SEC63: variants seen among roughly 807,000 people sequenced by gnomAD.
The protein encoded by SEC63 is SEC63 protein translocation regulator.
Under a neutral mutation model 116.2 loss-of-function variants are expected in SEC63, and 56 were observed. The observed-to-expected ratio is 0.48, with a 90% CI of 0.39 to 0.60. The LOEUF (loss-of-function observed/expected upper bound fraction) is 0.60. Ranked by LOEUF, SEC63 falls within the 20% of genes least tolerant of loss-of-function variation. The pLI is 0.00. For missense variants in SEC63, 668 were observed against 900.0 expected, an observed-to-expected ratio of 0.74 and a Z score of 3.30; for synonymous variants, 273 against 294.6, an observed-to-expected ratio of 0.93 and a Z score of 0.75.
chr6:107,887,683 G>C (rs998901722), intron 16 of SEC63, among the ~76,000 whole-genome samples: 9 of 150,772 alleles, frequency 6.0e-5, no homozygotes, highest in Non-Finnish European at 1.2e-4. Context: ...CACCAGCATG[G>C]CACACGTATA....
At chr6:107,927,903 A>T (rs977992154) in intron 2 of SEC63, among the ~76,000 whole-genome samples, 4 of 152,180 alleles carry the variant, frequency 2.6e-5, no homozygotes, top group African/African-American at 9.7e-5. Flanking sequence ...ATTTTCATTT[A>T]TACTTTTAAT....
At chr6:107,952,026 G>C (rs906886238) in intron 1 of SEC63, among the ~76,000 whole-genome samples, 15 of 151,070 alleles carry the variant, frequency 9.9e-5, no homozygotes, top group Non-Finnish European at 2.1e-4. Flanking sequence ...CCAGGGTTAA[G>C]AATCACTATG....
At chr6:107,930,381 C>A (rs1232276847) in intron 1 of SEC63, among the ~76,000 whole-genome samples, 1 of 151,590 alleles carries the variant, frequency 6.6e-6, no homozygotes, top group African/African-American at 2.4e-5. Context: ...GAGGCTGAGG[C>A]GGGCAGATCA....
intron 1 of SEC63, among the ~76,000 whole-genome samples, chr6:107,935,201 G>C (rs1046211695): frequency 6.6e-6 from 1 of 150,818 alleles, no homozygotes; most frequent in African/African-American, 2.4e-5. Flanking sequence ...CCAGCCGCCC[G>C]TCTGGGAGAT....
chr6:107,937,029 T>C (rs557119408), intron 1 of SEC63, among the ~76,000 whole-genome samples: 2 of 152,278 alleles, frequency 1.3e-5, no homozygotes, highest in Admixed American at 1.3e-4. Context: ...ATTAATTCAC[T>C]TAGAATAATA....
At chr6:107,896,993 A>G (rs1417889112) in intron 14 of SEC63, among the ~76,000 whole-genome samples, 3 of 151,904 alleles carry the variant, frequency 2.0e-5, no homozygotes. Context: ...AAGAAAAAAA[A>G]AAGAAGGAAG....
At chr6:107,948,983 C>T (rs1214189831) in intron 1 of SEC63, among the ~76,000 whole-genome samples, 1 of 152,116 alleles carries the variant, frequency 6.6e-6, no homozygotes, top group Non-Finnish European at 1.5e-5. Context: ...TGTGGTTCGC[C>T]CCATGTTCAC....
intron 2 of SEC63, 28 bp from the exon 3 acceptor site, chr6:107,924,960 TAAAC>T (rs1309585259): frequency 1.6e-6 from 2 of 1,238,952 alleles, no homozygotes; most frequent in African/African-American, 3.0e-5. Flanking sequence ...AAGTGAATCA[TAAAC>T]AAATACATCT....
rs181820719 is a variant in SEC63, at chr6:107,926,487, A to T, written c.225-1555T>A. The stretch of plus-strand genomic sequence containing the variant: ...CCTCCCAGGCTCAAGCAATCCTCCC[A>T]CCTCAGCCTCCCAAAGCACTGGAAT... On this transcript the variant is annotated intron_variant, in intron 2 of 20. Coordinates refer to ENST00000369002, the MANE Select transcript of SEC63 (RefSeq NM_007214.5). Among the ~76,000 whole-genome samples, 36 of 151,362 alleles carry T rather than the reference A, an allele frequency of 2.4e-4. No homozygotes were observed. In the East Asian group the frequency reaches 4.4e-3, roughly 18 times the overall value.
intron 1 of SEC63, among the ~76,000 whole-genome samples, chr6:107,947,911 C>T (rs531543297): frequency 1.3e-5 from 2 of 152,110 alleles, no homozygotes; most frequent in African/African-American, 2.4e-5. Flanking sequence ...CCAAACTGAC[C>T]ATGTTTTATT....
intron 1 of SEC63, among the ~76,000 whole-genome samples, chr6:107,934,971 C>T (rs1201219575): frequency 6.4e-5 from 7 of 109,342 alleles, no homozygotes; most frequent in East Asian, 2.8e-4. Context: ...CCCGGCCAGC[C>T]GCCCCGTCCG....
chr6:107,898,155 T>C (rs559981249), intron 13 of SEC63, among the ~76,000 whole-genome samples: 2 of 151,244 alleles, frequency 1.3e-5, no homozygotes, highest in East Asian at 1.9e-4. Flanking sequence ...TCTCAGCTAG[T>C]CGGGAGGCTG....
At chr6:107,947,933 A>C (rs1770509123) in intron 1 of SEC63, among the ~76,000 whole-genome samples, 1 of 152,184 alleles carries the variant, frequency 6.6e-6, no homozygotes, top group African/African-American at 2.4e-5. Context: ...CCATACTTTA[A>C]AACCTCCATT....
intron 2 of SEC63, among the ~76,000 whole-genome samples, chr6:107,926,000 T>C (rs1213481900): frequency 1.3e-5 from 2 of 152,086 alleles, no homozygotes; most frequent in Non-Finnish European, 2.9e-5. Flanking sequence ...GTATTTTTAG[T>C]AGAGATGGGG....
At chr6:107,937,697 C>T (rs1770287583) in intron 1 of SEC63, among the ~76,000 whole-genome samples, 1 of 152,098 alleles carries the variant, frequency 6.6e-6, no homozygotes, top group Non-Finnish European at 1.5e-5. Flanking sequence ...TGTAACCTCC[C>T]TAGCATCTGT....
At chr6:107,955,458 G>A (rs796754437) in intron 1 of SEC63, among the ~76,000 whole-genome samples, 21 of 151,966 alleles carry the variant, frequency 1.4e-4, no homozygotes, top group Non-Finnish European at 2.4e-4. Flanking sequence ...CACCATGCCC[G>A]GCCAACCTCA....
At chr6:107,908,893 T>C (rs2114453870) in intron 8 of SEC63, 34 bp downstream of exon 8, 1 of 1,244,924 alleles carries the variant, frequency 8.0e-7, no homozygotes, top group Non-Finnish European at 1.2e-6. Flanking sequence ...CAAAACAATG[T>C]GATTAATAGC....
chr6:107,912,707 TG>T lies in SEC63; in HGVS notation c.573+8del. ...TACATCATAATGTATCTTATTTAAA[TG>T]CACTCACCAGAATTGAGTTTTTCTG... On this transcript the variant is annotated splice_region_variant and intron_variant, in intron 6 of 20. Transcript: ENST00000369002. 1 of 1,573,660 alleles carries T rather than the reference TG, an allele frequency of 6.4e-7. No homozygotes were observed. Among genetic ancestry groups the T allele is most frequent in the South Asian group, 1.1e-5 (1 of 89,970 alleles).
chr6:107,929,413 A>G lies in SEC63; in HGVS notation c.224+2T>C. ...GTTTTTTTCTTGAAATCCATTACTT[A>G]CTTTACTGTAGGAATAATATTTGGC... On this transcript the variant is annotated splice_donor_variant, in intron 2 of 20. Transcript: ENST00000369002. LOFTEE classifies it high-confidence loss of function. The G allele has an allele frequency of 6.7e-7, 1 of 1,489,286 alleles. No individual in the cohort carries two copies. The highest frequency in any genetic ancestry group is 9.4e-7 in the Non-Finnish European group (1 of 1,066,630). The allele number at this position is 1,489,286 out of a possible 1,614,324, so 92.3% of individuals were successfully genotyped here. A position where few individuals can be genotyped will look rare whatever the true frequency, so the allele number is the denominator to read the frequency against.
Sources: gnomAD v4.1 joint callset for allele counts (sites outside exome capture counted in the v4.1 genomes callset) on GRCh38, gnomAD v4.1.1 for gene constraint, MANE v1.5 for transcripts, NCBI Gene and HGNC (gene_info 2026-07-23, HGNC 2026-07-21) for gene names.